The following DIP2C variants were observed in gnomAD, a reference collection of about 807,000 sequenced individuals.
The protein encoded by DIP2C is DIP2 acetate--CoA ligase C (putative).
In DIP2C, 33 loss-of-function variants were observed where a neutral mutation model predicts 192.4. That is an observed-to-expected ratio of 0.17 (90% CI 0.13 to 0.23). DIP2C has a LOEUF of 0.23. Ranked by LOEUF, DIP2C falls within the 10% of genes least tolerant of loss-of-function variation. The probability of loss-of-function intolerance (pLI) is 1.00; values close to 1 mark genes in which losing one functional copy is unlikely to be tolerated. For synonymous variants in DIP2C, 979 were observed against 864.1 expected, an observed-to-expected ratio of 1.13 and a Z score of -2.33; for missense variants, 1,537 against 2,110.1, an observed-to-expected ratio of 0.73 and a Z score of 5.32.
At chr10:325,846 A>G (rs1957247461) in intron 31 of DIP2C, among the ~76,000 whole-genome samples, 1 of 152,172 alleles carries the variant, frequency 6.6e-6, no homozygotes, top group African/African-American at 2.4e-5. Context: ...ATAATAATTA[A>G]AAGAGAAGCA....
chr10:485,189 A>G (rs1588266145), intron 2 of DIP2C, among the ~76,000 whole-genome samples: 1 of 152,362 alleles, frequency 6.6e-6, no homozygotes, highest in East Asian at 1.9e-4. Context: ...TGGCAAGGCA[A>G]GAAAGTTAAA....
intron 1 of DIP2C, among the ~76,000 whole-genome samples, chr10:493,580 G>A (rs1844606728): frequency 6.6e-6 from 1 of 152,154 alleles, no homozygotes; most frequent in Non-Finnish European, 1.5e-5. Context: ...CTTCTCAGAT[G>A]GCCGCCGTGG....
intron 1 of DIP2C, among the ~76,000 whole-genome samples, chr10:550,996 C>A (rs1848555844): frequency 6.6e-6 from 1 of 151,188 alleles, no homozygotes; most frequent in Non-Finnish European, 1.5e-5. Context: ...GAACTGTGCA[C>A]ACGGCTTCCC....
At chr10:345,501 C>T (rs185018120) in intron 26 of DIP2C, among the ~76,000 whole-genome samples, 112 of 64,746 alleles carry the variant, frequency 1.7e-3, no homozygotes, top group Admixed American at 4.3e-3. Flanking sequence ...ACAGTTCTCC[C>T]GGAAACCCCA....
intron 31 of DIP2C, 134 bp downstream of exon 31, chr10:326,872 C>T: frequency 2.8e-6 from 3 of 1,069,986 alleles, no homozygotes; most frequent in Non-Finnish European, 2.6e-6. Context: ...GCACCAACCG[C>T]ATGCGTGTGA....
intron 1 of DIP2C, among the ~76,000 whole-genome samples, chr10:522,713 T>A (rs1846790100): frequency 6.6e-6 from 1 of 152,278 alleles, no homozygotes; most frequent in Non-Finnish European, 1.5e-5. Context: ...GGTCCATTTT[T>A]TCATCAGGTG....
At chr10:644,789 A>G (rs1366297101) in intron 1 of DIP2C, among the ~76,000 whole-genome samples, 1 of 152,280 alleles carries the variant, frequency 6.6e-6, no homozygotes, top group Non-Finnish European at 1.5e-5. Flanking sequence ...CCCTGCCCCT[A>G]CTTCTCAAAA....
At chr10:670,194 G>A (rs1291116392) in intron 1 of DIP2C, among the ~76,000 whole-genome samples, 1 of 151,958 alleles carries the variant, frequency 6.6e-6, no homozygotes, top group Non-Finnish European at 1.5e-5. Flanking sequence ...GTGTGTACAT[G>A]TGTGCACATG....
At chr10:675,446 C>T (rs938479147) in intron 1 of DIP2C, among the ~76,000 whole-genome samples, 3 of 150,834 alleles carry the variant, frequency 2.0e-5, no homozygotes, top group Non-Finnish European at 3.0e-5. Flanking sequence ...CAAAGAGGAA[C>T]TAAATAAAAT....
At chr10:287,864 T>C (rs1294462817) in intron 33 of DIP2C, among the ~76,000 whole-genome samples, 1 of 152,206 alleles carries the variant, frequency 6.6e-6, no homozygotes, top group Non-Finnish European at 1.5e-5. Context: ...AGGTAGGCCT[T>C]TACATATTCA....
chr10:419,275 G>T, intron 5 of DIP2C, 76 bp from the exon 6 acceptor site: 1 of 1,596,790 alleles, frequency 6.3e-7, no homozygotes, highest in Non-Finnish European at 8.5e-7. Flanking sequence ...CACAGCCCAG[G>T]AAGAGACTGA....
At chr10:321,602 C>T (rs886239489) in intron 31 of DIP2C, among the ~76,000 whole-genome samples, 195 of 130,522 alleles carry the variant, frequency 1.5e-3, no homozygotes, top group African/African-American at 3.6e-3. Flanking sequence ...GAGAGACCGG[C>T]GCTGTTAGAA....
At position 678,700 on chromosome 10, in the gene DIP2C, T is replaced by C. The variant is rs185309935; in HGVS notation, c.85+10794A>G. Among the ~76,000 whole-genome samples the C allele has an allele frequency of 9.9e-3, 35 of 3,546 alleles. 1 individual carries two copies. The highest frequency in any genetic ancestry group is 0.015 in the African/African-American group (31 of 2,084). The allele number at this position is 3,546 out of a possible 152,430, so 2.3% of individuals were successfully genotyped here. ...CCACGCCCATGCTCCCCACACCCGT[T>C]CTCCCCACGCCCATGCTCCCCACAC... is the stretch of plus-strand genomic sequence containing the variant. On this transcript the variant is annotated intron_variant, in intron 1 of 36. Coordinates refer to ENST00000280886, the MANE Select transcript of DIP2C (RefSeq NM_014974.3).
intron 1 of DIP2C, among the ~76,000 whole-genome samples, chr10:598,901 A>G (rs1327508250): frequency 6.6e-6 from 1 of 152,240 alleles, no homozygotes; most frequent in Admixed American, 6.5e-5. Flanking sequence ...GTGAATAGTT[A>G]CTTTTCTGTT....
chr10:297,236 C>CCA (rs1564520176), intron 32 of DIP2C, among the ~76,000 whole-genome samples: 2 of 73,356 alleles, frequency 2.7e-5, no homozygotes, highest in Non-Finnish European at 2.4e-5. Flanking sequence ...CCCCACCCCA[C>CCA]CACATACACA....
At chr10:300,197 T>A (rs924060097) in intron 32 of DIP2C, among the ~76,000 whole-genome samples, 3 of 152,188 alleles carry the variant, frequency 2.0e-5, no homozygotes, top group Non-Finnish European at 4.4e-5. Flanking sequence ...TCTTGAACAG[T>A]ATCTATAAAC....
At chr10:398,201 G>A (rs1028567961) in intron 10 of DIP2C, among the ~76,000 whole-genome samples, 1 of 152,122 alleles carries the variant, frequency 6.6e-6, no homozygotes, top group South Asian at 2.1e-4. Context: ...CTAAGAGTCT[G>A]GCACATTTTT....
At chr10:606,973 T>G (rs1035069694) in intron 1 of DIP2C, among the ~76,000 whole-genome samples, 1 of 152,204 alleles carries the variant, frequency 6.6e-6, no homozygotes, top group Non-Finnish European at 1.5e-5. Context: ...CCCAAGTCCC[T>G]GCACTCATGT....
intron 1 of DIP2C, among the ~76,000 whole-genome samples, chr10:603,882 C>CA (rs939367968): frequency 6.6e-6 from 1 of 152,164 alleles, no homozygotes; most frequent in African/African-American, 2.4e-5. Flanking sequence ...GCTTGGCTCA[C>CA]AGCCCCACAC....
Sources: gnomAD v4.1 joint callset for allele counts (sites outside exome capture counted in the v4.1 genomes callset) on GRCh38, gnomAD v4.1.1 for gene constraint, MANE v1.5 for transcripts, NCBI Gene and HGNC (gene_info 2026-07-23, HGNC 2026-07-21) for gene names.